ERC1: variants seen among roughly 807,000 people sequenced by gnomAD.
ERC1 encodes RAB6 interacting protein 2.
In ERC1, 56 loss-of-function variants were observed where a neutral mutation model predicts 132.0. The observed-to-expected ratio is 0.42, with a 90% CI of 0.34 to 0.53. The LOEUF is 0.53. Ranked by LOEUF, ERC1 falls within the 20% of genes least tolerant of loss-of-function variation. ERC1 has a pLI of 0.03. For synonymous variants in ERC1, 478 were observed against 476.1 expected, an observed-to-expected ratio of 1.00 and a Z score of -0.05; for missense variants, 1,202 against 1,349.9, an observed-to-expected ratio of 0.89 and a Z score of 1.72.
intron 8 of ERC1, among the ~76,000 whole-genome samples, chr12:1,153,660 A>G (rs945173058): frequency 2.0e-5 from 3 of 152,240 alleles, no homozygotes; most frequent in African/African-American, 7.2e-5. Context: ...TGAAGAATGC[A>G]TGAACTCGGA....
At position 1,236,916 on chromosome 12, in the gene ERC1, A is replaced by T. The variant is rs780400567; in HGVS notation, c.2487+12A>T. ...CTCAGCAGCTACAGGTTAGAACACA[A>T]GGAGAATCTGAAAGGATCGGGTGAA... is the stretch of plus-strand genomic sequence containing the variant. On this transcript the variant is annotated intron_variant, in intron 13 of 18. Coordinates refer to ENST00000360905, the MANE Select transcript of ERC1 (RefSeq NM_178040.4). 2.4e-5 allele frequency: 39 copies of T among 1,613,474 alleles called. No individual in the cohort carries two copies. The South Asian group carries it at 4.0e-4, about 16-fold the overall frequency.
intron 10 of ERC1, among the ~76,000 whole-genome samples, chr12:1,182,516 A>G (rs922285093): frequency 1.6e-4 from 25 of 152,248 alleles, no homozygotes; most frequent in African/African-American, 6.0e-4. Flanking sequence ...CCTAAATAGC[A>G]AAGATGCCTC....
At chr12:1,051,529 CAAAAA>C (rs35353366) in intron 2 of ERC1, among the ~76,000 whole-genome samples, 12 of 127,698 alleles carry the variant, frequency 9.4e-5, no homozygotes, top group African/African-American at 3.6e-4. Flanking sequence ...GTCTCTACCC[CAAAAA>C]AAAAAAAAAA....
intron 13 of ERC1, among the ~76,000 whole-genome samples, chr12:1,259,466 G>A (rs933485926): frequency 6.0e-5 from 9 of 149,794 alleles, no homozygotes; most frequent in African/African-American, 9.8e-5. Flanking sequence ...CTTTCCTAGG[G>A]TACCTTAGTT....
intron 9 of ERC1, 109 bp downstream of exon 9, chr12:1,180,786 C>T (rs1954364123): frequency 1.5e-6 from 2 of 1,335,114 alleles, no homozygotes; most frequent in Non-Finnish European, 2.1e-6. Flanking sequence ...AAAAGAGCTG[C>T]TGTGTGCTAT....
intron 18 of ERC1, among the ~76,000 whole-genome samples, chr12:1,461,068 C>G (rs1324089071): frequency 7.2e-6 from 1 of 139,834 alleles, no homozygotes; most frequent in Non-Finnish European, 1.5e-5. Flanking sequence ...GAACAGCTGT[C>G]TGACTATAAA....
chr12:1,381,398 C>T (rs868091711), intron 16 of ERC1, among the ~76,000 whole-genome samples: 307 of 152,248 alleles, frequency 2.0e-3, no homozygotes, highest in African/African-American at 6.9e-3. Context: ...GGTGCCCAGG[C>T]TGGAGTGCGG....
chr12:1,228,936 G>A (rs138126976), intron 12 of ERC1, among the ~76,000 whole-genome samples: 51 of 152,184 alleles, frequency 3.4e-4, no homozygotes, highest in Non-Finnish European at 5.1e-4. Context: ...AAAGTTTTGC[G>A]TCTAGTTTCA....
intron 14 of ERC1, among the ~76,000 whole-genome samples, chr12:1,272,142 C>G (rs939216756): frequency 3.9e-5 from 6 of 152,134 alleles, no homozygotes; most frequent in African/African-American, 1.4e-4. Context: ...GTCAGTTCCC[C>G]GAGCTGTAAA....
rs1555389413 is a variant in ERC1 at position 1,394,046 on chromosome 12, C to CAAAAAAAAAAA, written c.2926-14102_2926-14101insAAAAAAAAAAA. 4.4e-4 allele frequency among the ~76,000 whole-genome samples: 31 copies of CAAAAAAAAAAA among 70,830 alleles called. 3 individuals are homozygous for CAAAAAAAAAAA. Among genetic ancestry groups the CAAAAAAAAAAA allele is most frequent in the African/African-American group, 1.5e-3 (30 of 20,004 alleles). The allele number at this position is 70,830 out of a possible 152,430, so 46.5% of individuals were successfully genotyped here. A position where few individuals can be genotyped will look rare whatever the true frequency, so the allele number is the denominator to read the frequency against. On this transcript the variant is annotated intron_variant, in intron 16 of 18. Transcript: ENST00000360905. ...AAAAAAAAAAAAACAAAAAAAAAAC[C>CAAAAAAAAAAA]ACAAAGCATTAAGCAATTTAATTTC...
chr12:1,124,565 A>G (rs1415239251), intron 7 of ERC1, among the ~76,000 whole-genome samples: 1 of 152,158 alleles, frequency 6.6e-6, no homozygotes, highest in Non-Finnish European at 1.5e-5. Context: ...AGAAAATAAG[A>G]AAGAAAAGCA....
At chr12:1,393,449 G>A (rs188392236) in intron 16 of ERC1, among the ~76,000 whole-genome samples, 15 of 152,302 alleles carry the variant, frequency 9.8e-5, no homozygotes, top group East Asian at 7.7e-4. Flanking sequence ...TGGGAAGATC[G>A]CTTGAGCCCA....
chr12:1,289,815 A>G (rs1454882652), intron 14 of ERC1, 37 bp from the exon 15 acceptor site: 1 of 1,589,266 alleles, frequency 6.3e-7, no homozygotes, highest in African/African-American at 1.3e-5. Context: ...TGATTGATCA[A>G]GACACTCTGT....
At chr12:1,162,552 A>G (rs1281241266) in intron 8 of ERC1, among the ~76,000 whole-genome samples, 1 of 151,628 alleles carries the variant, frequency 6.6e-6, no homozygotes, top group Non-Finnish European at 1.5e-5. Flanking sequence ...AGGAGGTCAG[A>G]AAGAATAGGT....
intron 18 of ERC1, among the ~76,000 whole-genome samples, chr12:1,453,556 C>G (rs2093469288): frequency 6.6e-6 from 1 of 152,178 alleles, no homozygotes; most frequent in East Asian, 1.9e-4. Context: ...AGAAAGCAAT[C>G]TTAAACATGC....
At chr12:1,262,391 G>T (rs2077198357) in intron 13 of ERC1, among the ~76,000 whole-genome samples, 1 of 152,166 alleles carries the variant, frequency 6.6e-6, no homozygotes, top group South Asian at 2.1e-4. Context: ...GAACATCAGG[G>T]CTGGGAATTG....
intron 12 of ERC1, among the ~76,000 whole-genome samples, chr12:1,231,712 AT>A (rs2075053646): frequency 6.7e-6 from 1 of 149,512 alleles, no homozygotes; most frequent in South Asian, 2.1e-4. Flanking sequence ...TGACTCCTTG[AT>A]ATTGTATTAT....
chr12:1,238,745 T>G (rs2075595950), intron 13 of ERC1, among the ~76,000 whole-genome samples: 1 of 152,174 alleles, frequency 6.6e-6, no homozygotes, highest in South Asian at 2.1e-4. Context: ...AGTCTCTCTC[T>G]ATAAACCAAA....
intron 7 of ERC1, 149 bp from the exon 8 acceptor site, chr12:1,141,471 C>G (rs1185193490): frequency 1.9e-6 from 1 of 513,226 alleles, no homozygotes; most frequent in Non-Finnish European, 3.2e-6. Context: ...ACACTGGACT[C>G]TGAATCCAGA....
Sources: gnomAD v4.1 joint callset for allele counts (sites outside exome capture counted in the v4.1 genomes callset) on GRCh38, gnomAD v4.1.1 for gene constraint, MANE v1.5 for transcripts, NCBI Gene and HGNC (gene_info 2026-07-23, HGNC 2026-07-21) for gene names.